The following CFAP96 variants were observed in gnomAD, a reference collection of about 807,000 sequenced individuals.
CFAP96 encodes cilia and flagella associated protein 96.
chr4:185,419,359 T>A, the CFAP96 span, among the ~76,000 whole-genome samples: 1 of 152,208 alleles, frequency 6.6e-6, no homozygotes, highest in Non-Finnish European at 1.5e-5. Flanking sequence ...CTCGATCTCC[T>A]GACCTCGTGA....
the CFAP96 span, among the ~76,000 whole-genome samples, chr4:185,408,916 G>A: frequency 1.3e-5 from 2 of 151,920 alleles, 1 homozygote; most frequent in African/African-American, 4.8e-5. Flanking sequence ...TGTCATCTCT[G>A]TCCTCTTTAT....
the CFAP96 span, among the ~76,000 whole-genome samples, chr4:185,438,325 A>G: frequency 6.6e-6 from 1 of 152,028 alleles, no homozygotes; most frequent in Non-Finnish European, 1.5e-5. Context: ...TTATTGCTGC[A>G]TCTTCAAACT....
At chr4:185,443,342 ATTTTTT>A in the CFAP96 span, among the ~76,000 whole-genome samples, 96 of 26,728 alleles carry the variant, frequency 3.6e-3, 2 homozygotes, top group Admixed American at 0.014. Flanking sequence ...ATATATATAT[ATTTTTT>A]TTTTTTTTTT....
chr4:185,449,265 A>C, the CFAP96 span, among the ~76,000 whole-genome samples: 1 of 152,280 alleles, frequency 6.6e-6, no homozygotes, highest in African/African-American at 2.4e-5. Flanking sequence ...GCTCGTGTGT[A>C]ATCTCAGCAC....
At chr4:185,448,178 G>A in the CFAP96 span, among the ~76,000 whole-genome samples, 15 of 151,932 alleles carry the variant, frequency 9.9e-5, no homozygotes, top group Non-Finnish European at 1.6e-4. Flanking sequence ...CCACCACCAC[G>A]CCCAGCTAAT....
At chr4:185,442,135 A>G in the CFAP96 span, among the ~76,000 whole-genome samples, 4 of 152,116 alleles carry the variant, frequency 2.6e-5, no homozygotes, top group African/African-American at 7.2e-5. Context: ...TATATTTAAT[A>G]GTAAGTGGTC....
At chr4:185,440,026 C>T in the CFAP96 span, among the ~76,000 whole-genome samples, 1 of 146,392 alleles carries the variant, frequency 6.8e-6, no homozygotes, top group African/African-American at 2.6e-5. Context: ...CTCATATATA[C>T]ATATAATTTT....
the CFAP96 span, chr4:185,445,305 TC>T: frequency 1.4e-6 from 1 of 705,570 alleles, no homozygotes; most frequent in Non-Finnish European, 2.3e-6. Flanking sequence ...GTAGAAGTTC[TC>T]CCCCATCTTC....
chr4:185,436,493 C>T, the CFAP96 span: 52 of 594,424 alleles, frequency 8.7e-5, 1 homozygote, highest in African/African-American at 6.5e-4. Flanking sequence ...GGGCGGATCA[C>T]GAGGTCAGGA....
the CFAP96 span, among the ~76,000 whole-genome samples, chr4:185,446,042 T>G: frequency 5.9e-5 from 9 of 152,186 alleles, no homozygotes; most frequent in African/African-American, 2.2e-4. Flanking sequence ...AGTTTCTCCA[T>G]GTTGGTAAGG....
At chr4:185,418,655 A>G in the CFAP96 span, 1 of 1,613,988 alleles carries the variant, frequency 6.2e-7, no homozygotes, top group Non-Finnish European at 8.5e-7. Flanking sequence ...TGTTTATGTC[A>G]CTGCTAGGCC....
chr4:185,418,292 CAT>C, the CFAP96 span: 11 of 585,760 alleles, frequency 1.9e-5, no homozygotes, highest in Middle Eastern at 4.7e-4. Context: ...GTAAGACAAA[CAT>C]ATAACTTTTG....
the CFAP96 span, chr4:185,429,372 G>A: frequency 7.2e-6 from 9 of 1,252,138 alleles, no homozygotes; most frequent in Non-Finnish European, 9.6e-6. Flanking sequence ...GGAAACTTTT[G>A]AAGTTAGCGG....
chr4:185,426,272 A>G, the CFAP96 span: 1 of 179,698 alleles, frequency 5.6e-6, no homozygotes, highest in East Asian at 1.5e-4. Context: ...TGCGCAGCCC[A>G]GGCGTGTCGC....
the CFAP96 span, among the ~76,000 whole-genome samples, chr4:185,414,245 T>C: frequency 6.6e-6 from 1 of 152,232 alleles, no homozygotes; most frequent in Non-Finnish European, 1.5e-5. Flanking sequence ...ACAATAATTA[T>C]ATCAAAGTAT....
chr4:185,433,383 T>C, the CFAP96 span, among the ~76,000 whole-genome samples: 11 of 119,748 alleles, frequency 9.2e-5, no homozygotes, highest in African/African-American at 3.6e-4. Context: ...GGTGACAGAC[T>C]GAGACTCCAT....
the CFAP96 span, chr4:185,436,330 T>A: frequency 6.4e-7 from 1 of 1,550,920 alleles, no homozygotes; most frequent in Non-Finnish European, 8.7e-7. Flanking sequence ...CTCTGCCGAC[T>A]TCTATGATGC....
the CFAP96 span, chr4:185,415,116 CATT>C: frequency 1.4e-6 from 2 of 1,461,186 alleles, no homozygotes; most frequent in South Asian, 1.3e-5. Context: ...GAATGATAGT[CATT>C]ATTGTTTTTT....
chr4:185,436,709 C>CAAA, the CFAP96 span, among the ~76,000 whole-genome samples: 30 of 37,886 alleles, frequency 7.9e-4, 1 homozygote, highest in South Asian at 0.041. Flanking sequence ...GACTCCGTCT[C>CAAA]AAAAATAATA....
Sources: gnomAD v4.1 joint callset for allele counts (sites outside exome capture counted in the v4.1 genomes callset) on GRCh38, gnomAD v4.1.1 for gene constraint, MANE v1.5 for transcripts, NCBI Gene and HGNC (gene_info 2026-07-23, HGNC 2026-07-21) for gene names.